SLMAP: variants seen among roughly 807,000 people sequenced by gnomAD.
The protein encoded by SLMAP is sarcolemma associated protein, also known as sarcolemmal membrane-associated protein.
A neutral mutation model predicts 128.8 loss-of-function variants in SLMAP; 44 were observed. That is an observed-to-expected ratio of 0.34 (90% CI 0.27 to 0.44). SLMAP has a LOEUF of 0.44. Among genes scored for constraint, SLMAP ranks in the 20% least tolerant of loss-of-function variants. The probability of loss-of-function intolerance (pLI) is 1.00; values close to 1 mark genes in which losing one functional copy is unlikely to be tolerated. For synonymous variants in SLMAP, 327 were observed against 348.8 expected (o/e 0.94, Z 0.70); for missense variants, 787 against 985.3 (o/e 0.80, Z 2.69).
At chr3:57,788,223 C>G (rs1188889639) in intron 2 of SLMAP, among the ~76,000 whole-genome samples, 2 of 152,166 alleles carry the variant, frequency 1.3e-5, no homozygotes, top group East Asian at 1.9e-4. Flanking sequence ...AGATTTGGAC[C>G]AAGTCTTGAA....
chr3:57,790,206 A>G (rs970805236), intron 2 of SLMAP, among the ~76,000 whole-genome samples: 7 of 152,214 alleles, frequency 4.6e-5, no homozygotes, highest in African/African-American at 1.7e-4. Flanking sequence ...AATTAATTCT[A>G]TGAAAAGTTT....
chr3:57,831,018 G>T (rs551358640), intron 2 of SLMAP, among the ~76,000 whole-genome samples: 1 of 152,186 alleles, frequency 6.6e-6, no homozygotes, highest in East Asian at 1.9e-4. Flanking sequence ...TGGCTATTAT[G>T]AATAATGCCA....
intron 2 of SLMAP, among the ~76,000 whole-genome samples, chr3:57,777,084 G>A (rs190106024): frequency 2.1e-4 from 28 of 133,000 alleles, no homozygotes; most frequent in Admixed American, 4.1e-4. Context: ...AAGTACTAGC[G>A]TAAGAAATTT....
intron 2 of SLMAP, among the ~76,000 whole-genome samples, chr3:57,822,266 CAG>C (rs1176316190): frequency 6.6e-6 from 1 of 152,060 alleles, no homozygotes; most frequent in African/African-American, 2.4e-5. Context: ...AGTCAAAGAT[CAG>C]AGAGTGTTTA....
chr3:57,807,210 G>A (rs749618668), intron 2 of SLMAP, among the ~76,000 whole-genome samples: 4 of 152,124 alleles, frequency 2.6e-5, no homozygotes, highest in Non-Finnish European at 5.9e-5. Context: ...TTTTGATGGG[G>A]TTGTTTTTTT....
At chr3:57,847,058 A>G in intron 4 of SLMAP, 139 bp from the exon 5 acceptor site, 1 of 599,960 alleles carries the variant, frequency 1.7e-6, no homozygotes, top group Non-Finnish European at 3.0e-6. Context: ...TTTATGAAGG[A>G]TTGAAAAATA....
intron 8 of SLMAP, among the ~76,000 whole-genome samples, chr3:57,858,960 CAA>C (rs1306780363): frequency 6.6e-6 from 1 of 151,920 alleles, no homozygotes; most frequent in Non-Finnish European, 1.5e-5. Flanking sequence ...ACAACAACAA[CAA>C]AAAAGTTACA....
At chr3:57,848,674 TCTTC>T (rs896825280) in intron 5 of SLMAP, among the ~76,000 whole-genome samples, 45 of 148,264 alleles carry the variant, frequency 3.0e-4, no homozygotes, top group Non-Finnish European at 6.0e-4. Context: ...TTCTTTTTCC[TCTTC>T]CTTCCTTCTT....
intron 11 of SLMAP, 22 bp downstream of exon 11, chr3:57,864,738 T>G: frequency 6.3e-7 from 1 of 1,577,144 alleles, no homozygotes; most frequent in Non-Finnish European, 8.6e-7. Flanking sequence ...ATCCAGAAAT[T>G]GATTTTATTT....
At chr3:57,857,030 A>C (rs9840125) in intron 6 of SLMAP, among the ~76,000 whole-genome samples, 1 of 152,010 alleles carries the variant, frequency 6.6e-6, no homozygotes, top group African/African-American at 2.4e-5. Flanking sequence ...ATATATGTCT[A>C]CATACACACA....
chr3:57,918,507 T>A (rs1452198690), intron 22 of SLMAP: 1 of 152,238 alleles, frequency 6.6e-6, no homozygotes, highest in Non-Finnish European at 1.5e-5. Flanking sequence ...AGTATGTTTC[T>A]TTTCTATTTT....
At chr3:57,862,499 G>A (rs1335483793) in intron 10 of SLMAP, among the ~76,000 whole-genome samples, 3 of 151,862 alleles carry the variant, frequency 2.0e-5, no homozygotes, top group Non-Finnish European at 2.9e-5. Context: ...TTAGCTGGGC[G>A]TGGTGACACA....
At chr3:57,855,999 C>T (rs144757602) in intron 6 of SLMAP, among the ~76,000 whole-genome samples, 2,724 of 151,668 alleles carry the variant, frequency 0.018, 69 homozygotes, top group African/African-American at 0.061. Context: ...GCCAAGATCG[C>T]GCCATTGCAC....
intron 14 of SLMAP, among the ~76,000 whole-genome samples, chr3:57,876,721 C>T (rs2153627575): frequency 6.6e-6 from 1 of 152,340 alleles, no homozygotes; most frequent in Non-Finnish European, 1.5e-5. Flanking sequence ...ATCTCTAAAT[C>T]TGTTTCATAC....
At chr3:57,829,795 CAGATTGCTTCTTAGTCT>C (rs2093207524) in intron 2 of SLMAP, among the ~76,000 whole-genome samples, 1 of 152,144 alleles carries the variant, frequency 6.6e-6, no homozygotes, top group Non-Finnish European at 1.5e-5. Context: ...ACATTTTCTG[CAGATTGCTTCTTAGTCT>C]TTAGTTGTAT....
At chr3:57,860,032 A>G (rs1417416568) in intron 8 of SLMAP, among the ~76,000 whole-genome samples, 2 of 152,166 alleles carry the variant, frequency 1.3e-5, no homozygotes, top group African/African-American at 2.4e-5. Context: ...TATTTGATGT[A>G]TTTAAATCTG....
In SLMAP at chr3:57,857,776, C is replaced by A. The variant is rs763740777; in HGVS notation, c.563C>A (p.Thr188Lys). Reference protein sequence around the residue: ...REQMLEQKLATLQRLLAITQE... With the variant: ...REQMLEQKLAKLQRLLAITQE... ...CAAATGTTGGAACAGAAGTTAGCCA[C>A]GCTTCAGCGGCTACTAGCCATCACC... is the stretch of plus-strand genomic sequence containing the variant. The change falls in exon 7 of 25, where the codon ACG becomes AAG. Residue 188 changes from threonine to lysine, a missense_variant. This residue lies in a region of SLMAP where 715 missense variants were observed against 843.6 expected (regional missense o/e 0.85). Transcript: ENST00000671191. 6.2e-7 allele frequency: 1 copy of A among 1,613,730 alleles called. No individual in the cohort carries two copies. Among genetic ancestry groups the A allele is most frequent in the Non-Finnish European group, 8.5e-7 (1 of 1,179,754 alleles).
chr3:57,898,489 G>A (rs947274763), intron 17 of SLMAP: 1 of 151,912 alleles, frequency 6.6e-6, no homozygotes, highest in Non-Finnish European at 1.5e-5. Context: ...TATATTTATA[G>A]GGTACATGAG....
intron 2 of SLMAP, among the ~76,000 whole-genome samples, chr3:57,779,954 A>G (rs147492894): frequency 1.6e-4 from 25 of 151,976 alleles, no homozygotes; most frequent in Non-Finnish European, 3.5e-4. Context: ...TTATTGTTTC[A>G]TTCATATTTA....
Sources: gnomAD v4.1 joint callset for allele counts (sites outside exome capture counted in the v4.1 genomes callset) on GRCh38, gnomAD v4.1.1 for gene constraint, gnomAD v4.1.1 regional missense constraint, MANE v1.5 for transcripts, NCBI Gene and HGNC (gene_info 2026-07-23, HGNC 2026-07-21) for gene names.